RPAP1: variants seen among roughly 807,000 people sequenced by gnomAD.
RPAP1 encodes RNA polymerase II-associated protein 1.
In RPAP1, 109 loss-of-function variants were observed where a neutral mutation model predicts 142.4. That is an observed-to-expected ratio of 0.77 (90% CI 0.66 to 0.90). The LOEUF is 0.90. Ranked by LOEUF, RPAP1 falls within the 40% of genes least tolerant of loss-of-function variation. The pLI is 0.00. For synonymous variants in RPAP1, 704 were observed against 738.9 expected (o/e 0.95, Z 0.77); for missense variants, 1,546 against 1,751.7 (o/e 0.88, Z 2.10).
At chr15:41,543,328 G>C (rs372478596) in intron 1 of RPAP1, among the ~76,000 whole-genome samples, 121 of 150,458 alleles carry the variant, frequency 8.0e-4, no homozygotes, top group African/African-American at 2.8e-3. Context: ...TCCTGCCTCA[G>C]GCTCCCGAGT....
At chr15:41,535,086 A>G in intron 5 of RPAP1, 151 bp from the exon 6 acceptor site, 1 of 688,518 alleles carries the variant, frequency 1.5e-6, no homozygotes, top group Non-Finnish European at 2.4e-6. Flanking sequence ...TGGCACAGGG[A>G]CTCCAGGTGG....
At chr15:41,531,244 C>T (rs760410660) in intron 6 of RPAP1, 42 bp from the exon 7 acceptor site, 3 of 1,561,652 alleles carry the variant, frequency 1.9e-6, no homozygotes, top group Admixed American at 1.7e-5. Flanking sequence ...AGGGTAGATC[C>T]TCCCTGGCCT....
intron 3 of RPAP1, 111 bp from the exon 4 acceptor site, chr15:41,536,329 C>T (rs192989882): frequency 1.9e-5 from 25 of 1,299,014 alleles, no homozygotes; most frequent in East Asian, 1.4e-4. Flanking sequence ...TGGGGGGTTA[C>T]GGACCCTCCT....
At chr15:41,523,048 C>T (rs759248448) in intron 18 of RPAP1, 88 bp from the exon 19 acceptor site, 25 of 1,176,488 alleles carry the variant, frequency 2.1e-5, no homozygotes, top group Admixed American at 9.6e-5. Flanking sequence ...CTAAGACTAA[C>T]GGGGGGCCTG....
At position 41,529,222 on chromosome 15, in the gene RPAP1, C is replaced by A. The variant is rs146020445; in HGVS notation, c.1158+248G>T. Among the ~76,000 whole-genome samples the A allele has an allele frequency of 2.3e-3, 350 of 152,292 alleles. 2 individuals are homozygous for A. Among genetic ancestry groups the A allele is most frequent in the African/African-American group, 8.2e-3 (341 of 41,564 alleles). Reference sequence around the variant, plus strand: ...TGGTGGCATGCGCCTGTAATCCCAGCTAGTCAGGAGGCTGAGGCAGGAGAA... The same window carrying A: ...TGGTGGCATGCGCCTGTAATCCCAGATAGTCAGGAGGCTGAGGCAGGAGAA... On this transcript the variant is annotated intron_variant, in intron 9 of 24. Transcript: ENST00000304330.
chr15:41,526,476 C>T (rs922103970), intron 14 of RPAP1, among the ~76,000 whole-genome samples: 9 of 152,082 alleles, frequency 5.9e-5, no homozygotes, highest in Admixed American at 5.2e-4. Context: ...GGCCCCTGAA[C>T]TCTTGGCCCC....
At chr15:41,520,003 G>A (rs531759898) in intron 22 of RPAP1, 49 of 244,380 alleles carry the variant, frequency 2.0e-4, no homozygotes, top group African/African-American at 9.9e-4. Flanking sequence ...GCGCGATCTC[G>A]GCTCACTGTA....
Position 41,528,312 on chromosome 15 carries a change from G to A in RPAP1, c.1183C>T (p.Leu395=), listed in dbSNP as rs148698543. ...AERAGYSLQE[L]FHLTRSQVSQ... is the part of the protein sequence containing the mutation. ...ACCTGGCTGCGGGTCAGGTGGAACA[G>A]CTCCTGTAGGGAATACCCCGCTCTC... Residue 395 remains leucine (L), a synonymous_variant, in exon 10 of 25, where the codon CTG becomes TTG. Coordinates refer to ENST00000304330, the MANE Select transcript of RPAP1 (RefSeq NM_015540.4). 6.2e-7 allele frequency: 1 copy of A among 1,600,192 alleles called. No homozygotes were observed. The highest frequency in any genetic ancestry group is 8.5e-7 in the Non-Finnish European group (1 of 1,172,710).
chr15:41,518,406 TG>T, intron 22 of RPAP1: 2 of 443,842 alleles, frequency 4.5e-6, no homozygotes, highest in Non-Finnish European at 7.9e-6. Flanking sequence ...AAATTGGCCA[TG>T]TGTAGTGGGC....
Position 41,527,591 on chromosome 15 carries a change from GC to G in RPAP1, c.1442del (p.Ser481ThrfsTer10). 1.9e-6 allele frequency: 3 copies of G among 1,613,282 alleles called. No homozygotes were observed. Among genetic ancestry groups the G allele is most frequent in the Non-Finnish European group, 2.5e-6 (3 of 1,179,686 alleles). ...VAPGDEELLD[S>X]TFSWYHGALT... ...AAGCTCCATGGTACCAAGAGAAGGTGCTGTCGAGGAGCTCCTGCCAGAGGAA... is the reference window on the plus strand; with the variant it reads ...AAGCTCCATGGTACCAAGAGAAGGTGTGTCGAGGAGCTCCTGCCAGAGGAA... On this transcript the variant is annotated frameshift_variant, in exon 12 of 25. Coordinates refer to ENST00000304330, the MANE Select transcript of RPAP1 (RefSeq NM_015540.4). LOFTEE classifies it high-confidence loss of function.
intron 22 of RPAP1, 35 bp from the exon 23 acceptor site, chr15:41,518,217 G>A (rs1239756153): frequency 6.5e-7 from 1 of 1,528,616 alleles, no homozygotes; most frequent in South Asian, 1.3e-5. Context: ...GAGGGGGAGG[G>A]TAGGAATGTA....
intron 6 of RPAP1, among the ~76,000 whole-genome samples, chr15:41,532,670 A>T (rs1444159507): frequency 3.3e-5 from 5 of 152,088 alleles, no homozygotes. Flanking sequence ...TACATAGCAC[A>T]GTGGTTAAAA....
intron 6 of RPAP1, among the ~76,000 whole-genome samples, chr15:41,533,958 C>T (rs1468232193): frequency 6.6e-6 from 1 of 151,750 alleles, no homozygotes; most frequent in African/African-American, 2.4e-5. Context: ...TCCGTCTCTA[C>T]TAAAAATACA....
intron 1 of RPAP1, 105 bp from the exon 2 acceptor site, chr15:41,537,306 C>T (rs1177390457): frequency 8.1e-6 from 5 of 618,622 alleles, no homozygotes; most frequent in Non-Finnish European, 1.4e-5. Context: ...GAACTCATTC[C>T]TCCTCATTCA....
intron 1 of RPAP1, among the ~76,000 whole-genome samples, chr15:41,541,574 G>A (rs1335572972): frequency 6.6e-6 from 1 of 152,162 alleles, no homozygotes; most frequent in East Asian, 1.9e-4. Flanking sequence ...AAGGCCGGGT[G>A]TGCTGGCTCA....
At chr15:41,529,804 C>T in intron 8 of RPAP1, 60 bp downstream of exon 8, 4 of 1,244,120 alleles carry the variant, frequency 3.2e-6, no homozygotes, top group Non-Finnish European at 4.5e-6. Context: ...AGGGCAAGAG[C>T]AGCAGCTCCT....
Position 41,527,166 on chromosome 15 carries a change from C to G in RPAP1, c.1746+1G>C. On this transcript the variant is annotated splice_donor_variant, in intron 13 of 24. Coordinates refer to ENST00000304330, the MANE Select transcript of RPAP1 (RefSeq NM_015540.4). LOFTEE classifies it high-confidence loss of function. ...CCATTCCCTGCTCCCTTTTTTCTCA[C>G]CCTTGTGGCTGATTCCAGGGAATGC... is the stretch of plus-strand genomic sequence containing the variant. 1 of 1,614,130 alleles carries G rather than the reference C, an allele frequency of 6.2e-7. No individual in the cohort carries two copies. Among genetic ancestry groups the G allele is most frequent in the Non-Finnish European group, 8.5e-7 (1 of 1,180,002 alleles).
chr15:41,534,959 T>G (rs2051893135), intron 5 of RPAP1, 24 bp from the exon 6 acceptor site: 1 of 1,608,212 alleles, frequency 6.2e-7, no homozygotes. Flanking sequence ...ATGATCACAT[T>G]CATTGCTCTG....
Position 41,522,980 on chromosome 15 carries a change from T to C in RPAP1, c.2547-20A>G, listed in dbSNP as rs181329554. On this transcript the variant is annotated intron_variant, in intron 18 of 24. Coordinates refer to ENST00000304330, the MANE Select transcript of RPAP1 (RefSeq NM_015540.4). ...CAGTGCCTGTAGGTGAAGTGGAGAG[T>C]CTGAGGGGGACTCTGGCCTGGCGTG... 283 of 1,504,310 alleles carry C rather than the reference T, an allele frequency of 1.9e-4. 1 individual carries two copies. The African/African-American group carries it at 3.7e-3, about 20-fold the overall frequency. 93.2% of individuals were successfully genotyped at this position (1,504,310 alleles called of 1,614,324 possible).
Sources: gnomAD v4.1 joint callset for allele counts (sites outside exome capture counted in the v4.1 genomes callset) on GRCh38, gnomAD v4.1.1 for gene constraint, MANE v1.5 for transcripts, NCBI Gene and HGNC (gene_info 2026-07-23, HGNC 2026-07-21) for gene names.